Variants in STT3B observed in about 807,000 individuals in gnomAD.
STT3B encodes dolichyl-diphosphooligosaccharide--protein glycosyltransferase subunit STT3B.
STT3B carries 29 observed loss-of-function variants against 96.8 expected under a neutral mutation model. The observed-to-expected ratio is 0.30, with a 90% CI of 0.22 to 0.41. STT3B has a LOEUF of 0.41. Ranked by LOEUF, STT3B falls within the 10% of genes least tolerant of loss-of-function variation. STT3B has a pLI of 1.00. For synonymous variants in STT3B, 367 were observed against 360.0 expected (o/e 1.02, Z -0.22); for missense variants, 640 against 1,022.3 (o/e 0.63, Z 5.10).
chr3:31,576,240 T>TA (rs1359654025), intron 1 of STT3B, among the ~76,000 whole-genome samples, 156 bp from the exon 2 acceptor site: 1 of 152,144 alleles, frequency 6.6e-6, no homozygotes, highest in Non-Finnish European at 1.5e-5. Context: ...TATGTAGAGG[T>TA]ATAAGCATGT....
chr3:31,561,026 C>T (rs1697865281), intron 1 of STT3B, among the ~76,000 whole-genome samples: 1 of 151,940 alleles, frequency 6.6e-6, no homozygotes, highest in African/African-American at 2.4e-5. Flanking sequence ...CCCATCTAGT[C>T]TGTCATTGAA....
In STT3B at chr3:31,582,091, C is replaced by G. The variant is rs972425991; in HGVS notation, c.711+1995C>G. ...GAGTCTTCTCTCTTTTTTACTTAATCTAGCCAAAGATTTGTCAATCGTGTT... is the reference window on the plus strand; with the variant it reads ...GAGTCTTCTCTCTTTTTTACTTAATGTAGCCAAAGATTTGTCAATCGTGTT... On this transcript the variant is annotated intron_variant, in intron 3 of 15. Coordinates refer to ENST00000295770, the MANE Select transcript of STT3B (RefSeq NM_178862.3). Among the ~76,000 whole-genome samples the G allele has an allele frequency of 4.6e-5, 7 of 152,104 alleles. 1 individual carries two copies. Among genetic ancestry groups the G allele is most frequent in the African/African-American group, 1.7e-4 (7 of 41,448 alleles).
At chr3:31,579,671 TA>T (rs1698341119) in intron 2 of STT3B, 137 bp from the exon 3 acceptor site, 1 of 664,278 alleles carries the variant, frequency 1.5e-6, no homozygotes, top group Admixed American at 3.5e-5. Context: ...TTGTAGTTTA[TA>T]AAGAAGGCAA....
At chr3:31,550,572 A>G (rs1194375904) in intron 1 of STT3B, among the ~76,000 whole-genome samples, 1 of 152,230 alleles carries the variant, frequency 6.6e-6, no homozygotes. Flanking sequence ...TTATTCTCAT[A>G]TATCATTAGT....
intron 3 of STT3B, among the ~76,000 whole-genome samples, chr3:31,582,300 CTTT>C (rs11430589): frequency 2.2e-5 from 3 of 139,278 alleles, no homozygotes; most frequent in Admixed American, 7.3e-5. Flanking sequence ...TTCTTTCCTT[CTTT>C]TTTTTTTTTT....
chr3:31,573,154 G>A (rs1181162880), intron 1 of STT3B, among the ~76,000 whole-genome samples: 1 of 152,124 alleles, frequency 6.6e-6, no homozygotes, highest in African/African-American at 2.4e-5. Flanking sequence ...ATGGAAAGAA[G>A]AGAGGTAATA....
At chr3:31,569,099 T>A (rs1351464898) in intron 1 of STT3B, among the ~76,000 whole-genome samples, 1 of 152,156 alleles carries the variant, frequency 6.6e-6, no homozygotes, top group African/African-American at 2.4e-5. Context: ...AGCCTCAAAC[T>A]TCTGGGCTCA....
At chr3:31,602,583 C>T (rs1559382268) in intron 5 of STT3B, among the ~76,000 whole-genome samples, 1 of 151,604 alleles carries the variant, frequency 6.6e-6, no homozygotes, top group Non-Finnish European at 1.5e-5. Flanking sequence ...CAAGCAGTGT[C>T]CAACTCCCCT....
intron 1 of STT3B, among the ~76,000 whole-genome samples, chr3:31,545,638 CCCCCTTAGCACTAGGCA>C: frequency 6.0e-5 from 2 of 33,594 alleles, no homozygotes; most frequent in Non-Finnish European, 3.7e-4. Flanking sequence ...CCCTTAGTTT[CCCCCTTAGCACTAGGCA>C]ACATTATGCT....
At chr3:31,544,540 TG>T (rs1336113872) in intron 1 of STT3B, among the ~76,000 whole-genome samples, 1 of 152,216 alleles carries the variant, frequency 6.6e-6, no homozygotes, top group Non-Finnish European at 1.5e-5. Flanking sequence ...TAAAACAGTA[TG>T]CTGTAATGAT....
rs1167377242 is a variant in STT3B, at chr3:31,635,929, A to AT, written c.2401-49dup. 45 of 1,345,718 alleles carry AT rather than the reference A, an allele frequency of 3.3e-5. 1 individual carries two copies. The highest frequency in any genetic ancestry group is 1.5e-4 in the South Asian group (11 of 73,880). The allele number at this position is 1,345,718 out of a possible 1,614,324, so 83.4% of individuals were successfully genotyped here. On this transcript the variant is annotated intron_variant, in intron 15 of 15. Transcript: ENST00000295770. ...CAGTAAACCATGTGTGTGTTTATAGATTTTTTAATCAGTAAGAAACCTGCA... is the reference window on the plus strand; with the variant it reads ...CAGTAAACCATGTGTGTGTTTATAGATTTTTTTAATCAGTAAGAAACCTGCA...
At chr3:31,585,996 T>G (rs1698526690) in intron 3 of STT3B, among the ~76,000 whole-genome samples, 1 of 152,132 alleles carries the variant, frequency 6.6e-6, no homozygotes, top group African/African-American at 2.4e-5. Flanking sequence ...GTTTGTGTGA[T>G]AAGTATAGGT....
intron 4 of STT3B, among the ~76,000 whole-genome samples, chr3:31,600,023 A>G (rs954912935): frequency 6.6e-6 from 1 of 152,164 alleles, no homozygotes; most frequent in Admixed American, 6.5e-5. Context: ...TTCAAAATTT[A>G]TGATCTATAT....
At chr3:31,542,022 C>G (rs910821165) in intron 1 of STT3B, among the ~76,000 whole-genome samples, 2 of 152,064 alleles carry the variant, frequency 1.3e-5, no homozygotes, top group Non-Finnish European at 2.9e-5. Context: ...AAGGCTGAAC[C>G]CTTGAGGTGG....
At chr3:31,569,838 A>G (rs942512665) in intron 1 of STT3B, among the ~76,000 whole-genome samples, 1 of 152,100 alleles carries the variant, frequency 6.6e-6, no homozygotes, top group African/African-American at 2.4e-5. Context: ...GAAATTTTCC[A>G]TAATAGAGTT....
intron 15 of STT3B, among the ~76,000 whole-genome samples, chr3:31,633,384 T>C (rs555530521): frequency 6.6e-6 from 1 of 152,358 alleles, no homozygotes; most frequent in African/African-American, 2.4e-5. Flanking sequence ...TTTGTGCTAT[T>C]GCCATTAGTA....
At chr3:31,587,750 CATTT>C (rs1317505517) in intron 3 of STT3B, among the ~76,000 whole-genome samples, 1 of 152,076 alleles carries the variant, frequency 6.6e-6, no homozygotes, top group Non-Finnish European at 1.5e-5. Context: ...ACATTTTAAA[CATTT>C]ATAAACATCT....
chr3:31,559,567 C>G (rs1233714506), intron 1 of STT3B, among the ~76,000 whole-genome samples: 1 of 151,866 alleles, frequency 6.6e-6, no homozygotes, highest in Non-Finnish European at 1.5e-5. Context: ...TGAGAAGATA[C>G]TTGATATTGT....
chr3:31,610,934 A>G (rs1042200909), intron 5 of STT3B, among the ~76,000 whole-genome samples: 1 of 152,220 alleles, frequency 6.6e-6, no homozygotes, highest in African/African-American at 2.4e-5. Context: ...GATGTAATAA[A>G]TGATTTACAA....
Sources: gnomAD v4.1 joint callset for allele counts (sites outside exome capture counted in the v4.1 genomes callset) on GRCh38, gnomAD v4.1.1 for gene constraint, MANE v1.5 for transcripts, NCBI Gene and HGNC (gene_info 2026-07-23, HGNC 2026-07-21) for gene names.